Variants in ACTN4 observed in about 807,000 individuals in gnomAD.
ACTN4 encodes the protein actinin alpha 4.
ACTN4 carries 18 observed loss-of-function variants against 114.2 expected under a neutral mutation model. The observed-to-expected ratio is 0.16, with a 90% CI of 0.11 to 0.23. The LOEUF is 0.23. ACTN4 is among the 10% of genes least tolerant of loss of function. ACTN4 has a pLI of 1.00. For missense variants in ACTN4, 722 were observed against 1,262.9 expected (o/e 0.57, Z 6.49); for synonymous variants, 515 against 506.3 (o/e 1.02, Z -0.23).
At chr19:38,704,518 TG>T (rs1968388254) in intron 3 of ACTN4, among the ~76,000 whole-genome samples, 1 of 152,166 alleles carries the variant, frequency 6.6e-6, no homozygotes, top group Non-Finnish European at 1.5e-5. Flanking sequence ...GCCCTGAGAG[TG>T]GGGGCCCGGG....
Position 38,710,350 on chromosome 19 carries a change from G to T in ACTN4, c.819+8G>T. 2 of 1,612,794 alleles carry T rather than the reference G, an allele frequency of 1.2e-6. No homozygotes were observed. The highest frequency in any genetic ancestry group is 1.7e-6 in the Non-Finnish European group (2 of 1,179,902). ...TTTTCAGGAGCGCAGAAGGTACCGA[G>T]CAGGGCCAGGCAGGCCCTCCTCGCC... On this transcript the variant is annotated splice_region_variant and intron_variant, in intron 8 of 20. Coordinates refer to ENST00000252699, the MANE Select transcript of ACTN4 (RefSeq NM_004924.6).
At chr19:38,721,514 T>C in intron 11 of ACTN4, 24 bp from the exon 12 acceptor site, 1 of 1,613,376 alleles carries the variant, frequency 6.2e-7, no homozygotes. Flanking sequence ...TGCTGTGGTC[T>C]AAGCGTCTCT....
intron 3 of ACTN4, among the ~76,000 whole-genome samples, chr19:38,704,587 G>C (rs1968391977): frequency 6.6e-6 from 1 of 152,274 alleles, no homozygotes; most frequent in Non-Finnish European, 1.5e-5. Context: ...AGAGCACTGA[G>C]AGTTGAGAGA....
chr19:38,675,415 T>G (rs910077616), intron 1 of ACTN4, among the ~76,000 whole-genome samples: 1 of 151,954 alleles, frequency 6.6e-6, no homozygotes, highest in South Asian at 2.1e-4. Flanking sequence ...TGATTTTTTT[T>G]GTAGAGGTGA....
Position 38,682,315 on chromosome 19 carries a change from C to T in ACTN4, c.163-18285C>T, listed in dbSNP as rs1052876160. On this transcript the variant is annotated intron_variant, in intron 1 of 20. Coordinates refer to ENST00000252699, the MANE Select transcript of ACTN4 (RefSeq NM_004924.6). ...TCAGCCTCCCGAAGTGCTGGGATTA[C>T]GGGTGTGAGCTACCATGCCCTGTCT... 4.6e-5 allele frequency among the ~76,000 whole-genome samples: 7 copies of T among 152,154 alleles called. No homozygotes were observed. The South Asian group carries it at 6.2e-4, about 14-fold the overall frequency.
chr19:38,706,170 G>A (rs1381410611), intron 5 of ACTN4, 39 bp downstream of exon 5: 2 of 1,593,080 alleles, frequency 1.3e-6, no homozygotes, highest in Non-Finnish European at 1.7e-6. Flanking sequence ...TTTCCTCTAG[G>A]AACCTGAGAT....
intron 3 of ACTN4, 117 bp from the exon 4 acceptor site, chr19:38,704,817 G>C: frequency 7.1e-6 from 6 of 846,048 alleles, no homozygotes; most frequent in Non-Finnish European, 1.2e-5. Context: ...GATGCAACCA[G>C]GGGGTGGTTT....
At chr19:38,664,491 T>C (rs1966896766) in intron 1 of ACTN4, among the ~76,000 whole-genome samples, 2 of 152,162 alleles carry the variant, frequency 1.3e-5, no homozygotes, top group East Asian at 3.9e-4. Context: ...AGCTGTAATA[T>C]AGCTCAGTTC....
intron 8 of ACTN4, chr19:38,710,751 G>A (rs561699705): frequency 4.8e-5 from 16 of 335,864 alleles, no homozygotes; most frequent in African/African-American, 6.4e-5. Context: ...CTTGCAGCAG[G>A]AGCTGCTAGA....
chr19:38,705,026 A>G lies in ACTN4; in HGVS notation c.484+6A>G. ...CCAGGACATCTCCGTGGAAGGTGAC[A>G]GCCACCTGTACTGCCCCCGCTTCCC... is the stretch of plus-strand genomic sequence containing the variant. On this transcript the variant is annotated splice_donor_region_variant and intron_variant, in intron 4 of 20. Coordinates refer to ENST00000252699, the MANE Select transcript of ACTN4 (RefSeq NM_004924.6). 1 of 1,613,662 alleles carries G rather than the reference A, an allele frequency of 6.2e-7. No homozygotes were observed. Among genetic ancestry groups the G allele is most frequent in the Non-Finnish European group, 8.5e-7 (1 of 1,179,534 alleles).
chr19:38,681,866 T>C lies in ACTN4; in HGVS notation c.163-18734T>C, dbSNP rs575687565. The stretch of plus-strand genomic sequence containing the variant: ...TTTTGGGTGAGATGGAGTCTTGCTC[T>C]GTTGGTCAGGCTGGAGTGCAGTAGC... On this transcript the variant is annotated intron_variant, in intron 1 of 20. Coordinates refer to ENST00000252699, the MANE Select transcript of ACTN4 (RefSeq NM_004924.6). Among the ~76,000 whole-genome samples, 488 of 152,330 alleles carry C rather than the reference T, an allele frequency of 3.2e-3. 4 individuals are homozygous for C. Among genetic ancestry groups the C allele is most frequent in the Admixed American group, 7.5e-3 (115 of 15,306 alleles).
intron 1 of ACTN4, among the ~76,000 whole-genome samples, chr19:38,682,021 G>C (rs1437321964): frequency 6.6e-6 from 1 of 152,060 alleles, no homozygotes; most frequent in Non-Finnish European, 1.5e-5. Flanking sequence ...AGTAGAGACG[G>C]GGTTTTGCCA....
At chr19:38,695,150 C>T (rs1968052595) in intron 1 of ACTN4, among the ~76,000 whole-genome samples, 1 of 152,222 alleles carries the variant, frequency 6.6e-6, no homozygotes, top group Middle Eastern at 3.2e-3. Context: ...GCTGGGATTA[C>T]ATGGTGTGTG....
At chr19:38,656,265 A>G (rs1301890845) in intron 1 of ACTN4, among the ~76,000 whole-genome samples, 1 of 152,046 alleles carries the variant, frequency 6.6e-6, no homozygotes, top group Non-Finnish European at 1.5e-5. Context: ...GGTGCACACC[A>G]CCACGCCTGA....
intron 19 of ACTN4, 151 bp downstream of exon 19, chr19:38,728,177 T>C: frequency 1.5e-6 from 2 of 1,296,388 alleles, no homozygotes; most frequent in Non-Finnish European, 2.2e-6. Context: ...CCTGGACCCC[T>C]TCCCTTTTAC....
intron 8 of ACTN4, among the ~76,000 whole-genome samples, chr19:38,711,662 A>G (rs543789927): frequency 1.1e-4 from 17 of 152,288 alleles, no homozygotes; most frequent in South Asian, 6.2e-4. Flanking sequence ...ATTACAGTCA[A>G]TGGCAGAGCT....
Position 38,730,006 on chromosome 19 carries a change from A to G in ACTN4, c.*574A>G, listed in dbSNP as rs1490813276. ...TGCAGCAGAGGAGCTGAGTTGGCAG[A>G]CCGGGCCCCCCTGAACCGCACCCCA... On this transcript the variant is annotated 3_prime_UTR_variant, in exon 21 of 21. Coordinates refer to ENST00000252699, the MANE Select transcript of ACTN4 (RefSeq NM_004924.6). 1 of 296,568 alleles carries G rather than the reference A, an allele frequency of 3.4e-6. No individual in the cohort carries two copies. Among genetic ancestry groups the G allele is most frequent in the Non-Finnish European group, 6.6e-6 (1 of 152,218 alleles). 18.4% of individuals were successfully genotyped at this position (296,568 alleles called of 1,614,324 possible). A position where few individuals can be genotyped will look rare whatever the true frequency, so the allele number is the denominator to read the frequency against.
At chr19:38,696,951 C>G (rs1968114669) in intron 1 of ACTN4, among the ~76,000 whole-genome samples, 1 of 152,224 alleles carries the variant, frequency 6.6e-6, no homozygotes, top group African/African-American at 2.4e-5. Flanking sequence ...ATGCATTTAA[C>G]ACAGCACGGA....
chr19:38,677,061 CA>C (rs2144907819), intron 1 of ACTN4, among the ~76,000 whole-genome samples: 1 of 152,326 alleles, frequency 6.6e-6, no homozygotes, highest in East Asian at 1.9e-4. Context: ...AGGGACTTCA[CA>C]CGGGGCCCTT....
Sources: allele counts gnomAD v4.1 joint callset (sites outside exome capture counted in the v4.1 genomes callset), GRCh38; gene constraint gnomAD v4.1.1; transcripts MANE v1.5; gene names NCBI Gene and HGNC (gene_info 2026-07-23, HGNC 2026-07-21).